The following LRMDA variants were observed in gnomAD, a reference collection of about 807,000 sequenced individuals.
LRMDA encodes leucine rich melanocyte differentiation associated, also known as leucine-rich melanocyte differentiation-associated protein.
LRMDA carries 18 observed loss-of-function variants against 29.8 expected under a neutral mutation model. The observed-to-expected ratio is 0.60, with a 90% CI of 0.42 to 0.90. The LOEUF (loss-of-function observed/expected upper bound fraction) is 0.90, where lower values mean the gene tolerates loss of function less well. LRMDA is among the 40% of genes least tolerant of loss of function. LRMDA has a pLI of 0.00. For synonymous variants in LRMDA, 125 were observed against 109.4 expected (o/e 1.14, Z -0.89); for missense variants, 273 against 273.9 (o/e 1.00, Z 0.02).
rs10824410 is a variant in LRMDA, at chr10:76,372,329, C to T, written c.601+47844C>T. 4.6e-5 allele frequency among the ~76,000 whole-genome samples: 7 copies of T among 152,114 alleles called. No individual in the cohort carries two copies. The South Asian group carries it at 1.5e-3, about 32-fold the overall frequency. On this transcript the variant is annotated intron_variant, in intron 6 of 6. Coordinates refer to ENST00000611255, the MANE Select transcript of LRMDA (RefSeq NM_001305581.2). ...CTTGAAAATTCTCTTTGAAGAAATCCTTGCCGGGCACAGTGGCTCACACCT... is the reference window on the plus strand; with the variant it reads ...CTTGAAAATTCTCTTTGAAGAAATCTTTGCCGGGCACAGTGGCTCACACCT...
chr10:76,331,158 C>A (rs1840900208), intron 6 of LRMDA, among the ~76,000 whole-genome samples: 1 of 152,170 alleles, frequency 6.6e-6, no homozygotes, highest in South Asian at 2.1e-4. Flanking sequence ...GTAATCCTAG[C>A]TACTTGGGAG....
intron 2 of LRMDA, among the ~76,000 whole-genome samples, chr10:75,705,284 TC>T (rs1842353024): frequency 6.6e-6 from 1 of 152,060 alleles, no homozygotes; most frequent in Non-Finnish European, 1.5e-5. Flanking sequence ...TTTGAGGGTT[TC>T]CCCCACTAAA....
chr10:75,887,557 A>G (rs61862120), intron 2 of LRMDA, among the ~76,000 whole-genome samples: 2 of 151,222 alleles, frequency 1.3e-5, no homozygotes, highest in Non-Finnish European at 2.9e-5. Flanking sequence ...TTTTTTTTGT[A>G]AATAAAGTTT....
chr10:75,701,359 G>A (rs1842306253), intron 2 of LRMDA, among the ~76,000 whole-genome samples: 1 of 152,152 alleles, frequency 6.6e-6, no homozygotes, highest in Non-Finnish European at 1.5e-5. Context: ...ATGATCCTGG[G>A]GAACAGGGAG....
At chr10:76,396,136 C>T (rs744704) in intron 6 of LRMDA, among the ~76,000 whole-genome samples, 32,736 of 152,060 alleles carry the variant, frequency 0.22, 7,174 homozygotes, top group African/African-American at 0.56. Flanking sequence ...GAAGCTGCCA[C>T]GTTTGAAGGG....
intron 2 of LRMDA, among the ~76,000 whole-genome samples, chr10:75,774,646 G>T (rs1480970250): frequency 6.6e-6 from 1 of 152,020 alleles, no homozygotes; most frequent in Admixed American, 6.6e-5. Context: ...GGAAAACTGT[G>T]TGGCTTCTCA....
intron 2 of LRMDA, among the ~76,000 whole-genome samples, chr10:75,607,579 C>G (rs1840971501): frequency 6.6e-6 from 1 of 152,198 alleles, no homozygotes; most frequent in South Asian, 2.1e-4. Context: ...TCCTAACCTT[C>G]TTTTCCTCCA....
intron 5 of LRMDA, among the ~76,000 whole-genome samples, chr10:76,163,129 G>A (rs566483715): frequency 3.9e-5 from 6 of 152,144 alleles, no homozygotes; most frequent in African/African-American, 9.7e-5. Flanking sequence ...CTCAGTCAGC[G>A]TCTCCTTGTA....
chr10:75,534,763 G>A (rs1035708661), intron 2 of LRMDA, among the ~76,000 whole-genome samples: 4 of 152,154 alleles, frequency 2.6e-5, no homozygotes, highest in Non-Finnish European at 5.9e-5. Flanking sequence ...TCAAGCTTGA[G>A]TTTTTTGAAG....
At chr10:75,685,944 A>G (rs1842076766) in intron 2 of LRMDA, among the ~76,000 whole-genome samples, 1 of 152,232 alleles carries the variant, frequency 6.6e-6, no homozygotes, top group Non-Finnish European at 1.5e-5. Flanking sequence ...TCATTTAATC[A>G]TTATACCAGA....
At chr10:76,392,970 A>G (rs1468934590) in intron 6 of LRMDA, among the ~76,000 whole-genome samples, 2 of 152,116 alleles carry the variant, frequency 1.3e-5, no homozygotes, top group Non-Finnish European at 2.9e-5. Flanking sequence ...ATATTTTACT[A>G]AACATAATCT....
intron 2 of LRMDA, among the ~76,000 whole-genome samples, chr10:75,485,641 G>A (rs966284212): frequency 7.2e-5 from 11 of 151,962 alleles, no homozygotes; most frequent in Non-Finnish European, 1.0e-4. Context: ...GGAGTGCAGC[G>A]ATCTCAGTGC....
At chr10:75,906,160 T>C (rs1021664130) in intron 2 of LRMDA, among the ~76,000 whole-genome samples, 3 of 152,052 alleles carry the variant, frequency 2.0e-5, no homozygotes, top group African/African-American at 7.2e-5. Flanking sequence ...CCTTCACTTA[T>C]CAAATGAGAA....
rs183107133 is a variant in LRMDA at position 75,818,991 on chromosome 10, G to C, written c.132-217017G>C. Reference sequence around the variant, plus strand: ...TGCTAAATGTTAGTTGAAACAAAGGGCTGTTTTGTTGGGTTTGTGTTTCCC... The same window carrying C: ...TGCTAAATGTTAGTTGAAACAAAGGCCTGTTTTGTTGGGTTTGTGTTTCCC... On this transcript the variant is annotated intron_variant, in intron 2 of 6. Coordinates refer to ENST00000611255, the MANE Select transcript of LRMDA (RefSeq NM_001305581.2). Among the ~76,000 whole-genome samples the C allele has an allele frequency of 2.3e-3, 349 of 152,290 alleles. 1 individual carries two copies. The highest frequency in any genetic ancestry group is 6.3e-3 in the African/African-American group (262 of 41,572).
At chr10:75,684,673 T>A (rs1242799090) in intron 2 of LRMDA, among the ~76,000 whole-genome samples, 1 of 152,212 alleles carries the variant, frequency 6.6e-6, no homozygotes, top group Non-Finnish European at 1.5e-5. Flanking sequence ...TGTGACATTA[T>A]AACTCCTTCT....
intron 2 of LRMDA, among the ~76,000 whole-genome samples, chr10:75,529,875 T>C (rs2132042250): frequency 6.6e-6 from 1 of 152,300 alleles, no homozygotes; most frequent in African/African-American, 2.4e-5. Flanking sequence ...AAAGGGTCTA[T>C]GCTTGTGGCA....
chr10:75,891,895 G>C (rs1171286654), intron 2 of LRMDA, among the ~76,000 whole-genome samples: 5 of 152,194 alleles, frequency 3.3e-5, no homozygotes, highest in African/African-American at 4.8e-5. Flanking sequence ...ATGCTTATCA[G>C]CCATCCAAAT....
intron 2 of LRMDA, among the ~76,000 whole-genome samples, chr10:75,911,464 T>A (rs1303440876): frequency 6.6e-6 from 1 of 152,190 alleles, no homozygotes; most frequent in African/African-American, 2.4e-5. Context: ...ACCCAGAATC[T>A]TGTAGTGTTC....
At chr10:76,042,976 A>G (rs948150103) in intron 3 of LRMDA, among the ~76,000 whole-genome samples, 4 of 152,064 alleles carry the variant, frequency 2.6e-5, no homozygotes, top group Admixed American at 2.6e-4. Flanking sequence ...AGTGGCTCAC[A>G]CCTGTAATCC....
Sources: allele counts gnomAD v4.1 joint callset (sites outside exome capture counted in the v4.1 genomes callset), GRCh38; gene constraint gnomAD v4.1.1; transcripts MANE v1.5; gene names NCBI Gene and HGNC (gene_info 2026-07-23, HGNC 2026-07-21).